Variants in ANO3 observed in about 807,000 individuals in gnomAD.
ANO3 encodes anoctamin 3.
ANO3 carries 99 observed loss-of-function variants against 144.8 expected under a neutral mutation model. The observed-to-expected ratio is 0.68, with a 90% CI of 0.58 to 0.81. The LOEUF (loss-of-function observed/expected upper bound fraction) is 0.81, where lower values mean the gene tolerates loss of function less well. Among genes scored for constraint, ANO3 ranks in the 30% least tolerant of loss-of-function variants. The pLI, the probability that ANO3 is intolerant of heterozygous loss-of-function variation, is 0.00. For missense variants in ANO3, 905 were observed against 1,202.2 expected (o/e 0.75, Z 3.66); for synonymous variants, 414 against 392.6 (o/e 1.05, Z -0.64).
intron 4 of ANO3, among the ~76,000 whole-genome samples, chr11:26,497,527 T>G (rs1258783939): frequency 6.6e-6 from 1 of 152,110 alleles, no homozygotes; most frequent in Non-Finnish European, 1.5e-5. Flanking sequence ...TGTGTAATTT[T>G]TATTTGATTT....
At chr11:26,476,928 T>TGA (rs1860004143) in intron 4 of ANO3, among the ~76,000 whole-genome samples, 1 of 145,684 alleles carries the variant, frequency 6.9e-6, no homozygotes, top group African/African-American at 2.6e-5. Flanking sequence ...TGTGTGTGTG[T>TGA]GTGTGAGAGA....
intron 24 of ANO3, among the ~76,000 whole-genome samples, chr11:26,655,642 G>A (rs1030366147): frequency 1.3e-5 from 2 of 152,074 alleles, no homozygotes; most frequent in East Asian, 1.9e-4. Flanking sequence ...CACAGGGATA[G>A]GGGTTTTTGC....
intron 4 of ANO3, among the ~76,000 whole-genome samples, chr11:26,503,889 CT>C (rs57073595): frequency 0.058 from 8,846 of 152,020 alleles, 515 homozygotes; most frequent in African/African-American, 0.15. Flanking sequence ...TTTTAAAAAC[CT>C]TTTTATCTTT....
intron 1 of ANO3, among the ~76,000 whole-genome samples, chr11:26,391,089 T>C (rs57226666): frequency 0.27 from 40,388 of 151,962 alleles, 6,023 homozygotes; most frequent in African/African-American, 0.41. Context: ...AACTGAATAC[T>C]TGAGACTGGG....
intron 17 of ANO3, among the ~76,000 whole-genome samples, chr11:26,607,184 G>A (rs1249430230): frequency 6.6e-6 from 1 of 151,990 alleles, no homozygotes; most frequent in Non-Finnish European, 1.5e-5. Context: ...CTTTGTAGGT[G>A]ACCTGAAATA....
At chr11:26,204,287 G>A (rs1564915587) in intron 1 of ANO3, among the ~76,000 whole-genome samples, 1 of 151,964 alleles carries the variant, frequency 6.6e-6, no homozygotes, top group African/African-American at 2.4e-5. Context: ...AATATGTCTG[G>A]AGTTCATTTA....
intron 1 of ANO3, among the ~76,000 whole-genome samples, chr11:26,389,682 A>T (rs1856826253): frequency 6.6e-6 from 1 of 152,038 alleles, no homozygotes. Context: ...TAAGTACCAC[A>T]TGTTTGCTAA....
upstream of ANO3, among the ~76,000 whole-genome samples, chr11:26,308,784 T>C (rs543681980): frequency 1.3e-5 from 2 of 152,352 alleles, no homozygotes; most frequent in African/African-American, 2.4e-5. Context: ...ACTATAATTA[T>C]GGGCAGAAAA....
chr11:26,299,714 A>G lies in ANO3; in HGVS notation c.155-9931A>G, dbSNP rs1459681493. Among the ~76,000 whole-genome samples the G allele has an allele frequency of 3.3e-5, 5 of 152,116 alleles. No homozygotes were observed. The East Asian group carries it at 5.8e-4, about 18-fold the overall frequency. The stretch of plus-strand genomic sequence containing the variant: ...TTGACTCTGTAGGGAGAGAGCATGT[A>G]TGGGAAATTATTGGGCTGCTGTCCT... On this transcript the variant is annotated intron_variant, in intron 1 of 27. Coordinates refer to the ANO3 transcript ENST00000672621.
intron 1 of ANO3, among the ~76,000 whole-genome samples, chr11:26,378,991 CATA>C (rs1856501255): frequency 7.6e-6 from 1 of 130,756 alleles, no homozygotes; most frequent in Admixed American, 7.4e-5. Flanking sequence ...AGCCTCAAAA[CATA>C]ATGATAGGCA....
intron 1 of ANO3, among the ~76,000 whole-genome samples, chr11:26,338,574 T>G (rs1000007494): frequency 2.0e-5 from 3 of 152,174 alleles, no homozygotes; most frequent in Admixed American, 2.0e-4. Context: ...AGCTTTGTTC[T>G]TTCGCTTTTT....
At chr11:26,452,417 G>A (rs1019993557) in intron 3 of ANO3, among the ~76,000 whole-genome samples, 3 of 152,200 alleles carry the variant, frequency 2.0e-5, no homozygotes, top group African/African-American at 7.2e-5. Flanking sequence ...CAAGGCTCGA[G>A]AACTACGTGA....
At chr11:26,328,211 A>G (rs1372060780), upstream of ANO3, among the ~76,000 whole-genome samples, 1 of 152,218 alleles carries the variant, frequency 6.6e-6, no homozygotes, top group African/African-American at 2.4e-5. Context: ...CATCAGGATG[A>G]ATCTACTTAA....
chr11:26,512,969 G>C (rs182397045), intron 5 of ANO3, among the ~76,000 whole-genome samples: 1 of 152,290 alleles, frequency 6.6e-6, no homozygotes, highest in African/African-American at 2.4e-5. Flanking sequence ...AGCCTACTGT[G>C]TGTCCAGCAC....
At chr11:26,330,475 T>A (rs1855009022), upstream of ANO3, among the ~76,000 whole-genome samples, 1 of 152,184 alleles carries the variant, frequency 6.6e-6, no homozygotes, top group Non-Finnish European at 1.5e-5. Flanking sequence ...TCTTATTGAA[T>A]GCTCAGCATT....
intron 3 of ANO3, among the ~76,000 whole-genome samples, chr11:26,459,830 G>C (rs1365401809): frequency 6.6e-6 from 1 of 152,014 alleles, no homozygotes; most frequent in South Asian, 2.1e-4. Context: ...TCACTCCTAG[G>C]GTTTTAGCCT....
At chr11:26,592,806 G>A (rs891519089) in intron 14 of ANO3, among the ~76,000 whole-genome samples, 4 of 151,798 alleles carry the variant, frequency 2.6e-5, no homozygotes, top group South Asian at 4.2e-4. Context: ...AGTAATTTCC[G>A]TTGGTTAGCT....
Position 26,639,236 on chromosome 11 carries a change from A to G in ANO3, c.2136A>G (p.Gly712=), listed in dbSNP as rs756125691. 1 of 1,612,058 alleles carries G rather than the reference A, an allele frequency of 6.2e-7. No homozygotes were observed. Among genetic ancestry groups the G allele is most frequent in the South Asian group, 1.1e-5 (1 of 91,024 alleles). ...TATGGAACAACTTCATGGAACTAGG[A>G]TACCCGTGAGCACATTATTTTCAAA... is the stretch of plus-strand genomic sequence containing the variant. ...KQIWNNFMEL[G]YPLIQNWWSR... The change falls in exon 21 of 27, where the codon GGA becomes GGG. Residue 712 remains glycine, a synonymous_variant. Coordinates refer to ENST00000256737, the MANE Select transcript of ANO3 (RefSeq NM_031418.4).
intron 6 of ANO3, among the ~76,000 whole-genome samples, chr11:26,524,470 A>T (rs1849112205): frequency 6.6e-6 from 1 of 152,150 alleles, no homozygotes; most frequent in Non-Finnish European, 1.5e-5. Context: ...AGCTAATAAC[A>T]TACTTAGGGC....
Sources: gnomAD v4.1 joint callset for allele counts (sites outside exome capture counted in the v4.1 genomes callset) on GRCh38, gnomAD v4.1.1 for gene constraint, MANE v1.5 for transcripts, NCBI Gene and HGNC (gene_info 2026-07-23, HGNC 2026-07-21) for gene names.